The following CYRIB variants were observed in gnomAD, a reference collection of about 807,000 sequenced individuals.
The protein encoded by CYRIB is CYFIP-related Rac1 interactor B.
CYRIB carries 8 observed loss-of-function variants against 44.2 expected under a neutral mutation model. The ratio of observed to expected loss-of-function variants is 0.18; its 90% CI spans 0.11 to 0.33. The LOEUF (loss-of-function observed/expected upper bound fraction) is 0.33, where lower values mean the gene tolerates loss of function less well. Among genes scored for constraint, CYRIB ranks in the 10% least tolerant of loss-of-function variants. The pLI is 1.00. For missense variants in CYRIB, 185 were observed against 382.8 expected (o/e 0.48, Z 4.31); for synonymous variants, 131 against 127.2 (o/e 1.03, Z -0.20).
chr8:129,989,783 A>C (rs2096578730), intron 1 of CYRIB, among the ~76,000 whole-genome samples: 2 of 135,296 alleles, frequency 1.5e-5, no homozygotes, highest in African/African-American at 2.7e-5. Flanking sequence ...TCCTAATGCT[A>C]TCCCTCCCCC....
intron 1 of CYRIB, among the ~76,000 whole-genome samples, chr8:129,915,045 G>A (rs1282228272): frequency 3.3e-5 from 5 of 152,162 alleles, no homozygotes; most frequent in African/African-American, 7.2e-5. Context: ...GGGCTGGTGA[G>A]AATACAGTGC....
intron 2 of CYRIB, among the ~76,000 whole-genome samples, chr8:129,883,203 TGAG>T (rs545801178): frequency 7.3e-5 from 11 of 150,452 alleles, no homozygotes; most frequent in Admixed American, 4.0e-4. Context: ...CATTTTGGGC[TGAG>T]GAGTTCTTTT....
chr8:129,979,293 A>G (rs1024372051), intron 1 of CYRIB, among the ~76,000 whole-genome samples: 4 of 152,146 alleles, frequency 2.6e-5, no homozygotes, highest in Admixed American at 2.6e-4. Context: ...TGCCTTGGAA[A>G]TAACATAACT....
chr8:129,868,052 G>A (rs2054810928), intron 4 of CYRIB, among the ~76,000 whole-genome samples: 1 of 152,096 alleles, frequency 6.6e-6, no homozygotes, highest in African/African-American at 2.4e-5. Flanking sequence ...TTTTTTATAG[G>A]TAGAATAGTT....
intron 2 of CYRIB, among the ~76,000 whole-genome samples, chr8:129,887,070 A>T (rs2063062220): frequency 6.6e-6 from 1 of 152,148 alleles, no homozygotes; most frequent in African/African-American, 2.4e-5. Context: ...ATCAAAGACA[A>T]TGGGGAAAAT....
intron 1 of CYRIB, among the ~76,000 whole-genome samples, chr8:129,933,395 T>G (rs1376322884): frequency 1.3e-5 from 2 of 152,104 alleles, no homozygotes; most frequent in Non-Finnish European, 1.5e-5. Context: ...ACTCAAAATT[T>G]TATGGTTCTC....
At chr8:129,930,365 T>TTTTATATATATATATATATATATATA (rs369665802) in intron 1 of CYRIB, among the ~76,000 whole-genome samples, 2,643 of 50,366 alleles carry the variant, frequency 0.052, 418 homozygotes, top group Admixed American at 0.16. Context: ...TGTGAAGTGC[T>TTTTATATATATATATATATATATATA]TATATATATA....
intron 2 of CYRIB, among the ~76,000 whole-genome samples, chr8:129,952,714 A>AG: frequency 6.6e-6 from 1 of 152,310 alleles, no homozygotes; most frequent in East Asian, 1.9e-4. Flanking sequence ...GAAAGATAGG[A>AG]GGGGCCAAAG....
chr8:129,894,954 G>T (rs1410463796), intron 2 of CYRIB, among the ~76,000 whole-genome samples: 2 of 146,992 alleles, frequency 1.4e-5, no homozygotes, highest in Non-Finnish European at 3.0e-5. Flanking sequence ...TTATTTTTTT[G>T]AGACAGGGTC....
intron 2 of CYRIB, among the ~76,000 whole-genome samples, chr8:129,956,230 G>A (rs2094822826): frequency 6.6e-6 from 1 of 152,032 alleles, no homozygotes. Context: ...AATAATGATG[G>A]CTACTACCAT....
intron 4 of CYRIB, among the ~76,000 whole-genome samples, chr8:129,868,280 C>A (rs2054959796): frequency 6.6e-6 from 1 of 152,154 alleles, no homozygotes; most frequent in Admixed American, 6.5e-5. Flanking sequence ...TCAATAGTTA[C>A]ATATTTGTCC....
intron 1 of CYRIB, among the ~76,000 whole-genome samples, chr8:129,910,456 G>A (rs1419217832): frequency 6.9e-6 from 1 of 145,686 alleles, no homozygotes; most frequent in Non-Finnish European, 1.5e-5. Flanking sequence ...CAGCATCCTT[G>A]ACAAGTGGTG....
At chr8:129,864,054 T>C (rs917553072) in intron 4 of CYRIB, among the ~76,000 whole-genome samples, 2 of 152,234 alleles carry the variant, frequency 1.3e-5, no homozygotes, top group African/African-American at 4.8e-5. Context: ...CAGACAGATC[T>C]AACGGATGCT....
chr8:129,928,167 TTAC>T (rs1235337611), intron 1 of CYRIB, among the ~76,000 whole-genome samples: 1 of 151,526 alleles, frequency 6.6e-6, no homozygotes, highest in Non-Finnish European at 1.5e-5. Flanking sequence ...GTGAAAATGC[TTAC>T]ACCTCAAAAG....
chr8:130,003,209 C>T (rs1298312784), intron 1 of CYRIB, among the ~76,000 whole-genome samples: 1 of 152,130 alleles, frequency 6.6e-6, no homozygotes, highest in African/African-American at 2.4e-5. Flanking sequence ...CAGAGTGAGA[C>T]CCTGTCTTAA....
chr8:129,970,317 C>A (rs1010475073), intron 2 of CYRIB, among the ~76,000 whole-genome samples: 1 of 152,008 alleles, frequency 6.6e-6, no homozygotes, highest in African/African-American at 2.4e-5. Context: ...AAGGGAAGTG[C>A]ACTGTCACAG....
chr8:130,016,752 A>G (rs1447829806), upstream of CYRIB: 1 of 147,268 alleles, frequency 6.8e-6, no homozygotes, highest in Non-Finnish European at 1.5e-5. Context: ...GCCGGCCCCC[A>G]CCCCAGAACC....
chr8:129,983,915 T>C (rs982915075), intron 1 of CYRIB, among the ~76,000 whole-genome samples: 3 of 152,164 alleles, frequency 2.0e-5, no homozygotes, highest in African/African-American at 4.8e-5. Flanking sequence ...ATACATCCCA[T>C]TGGCAGGAAC....
chr8:129,907,317 A>T (rs1490518907), intron 1 of CYRIB, among the ~76,000 whole-genome samples: 1 of 151,950 alleles, frequency 6.6e-6, no homozygotes, highest in African/African-American at 2.4e-5. Flanking sequence ...TGAAGCTGGA[A>T]ATCATCATTC....
Sources: allele counts gnomAD v4.1 joint callset (sites outside exome capture counted in the v4.1 genomes callset), GRCh38; gene constraint gnomAD v4.1.1; transcripts MANE v1.5; gene names NCBI Gene and HGNC (gene_info 2026-07-23, HGNC 2026-07-21).